The following STRIP2 variants were observed in gnomAD, a reference collection of about 807,000 sequenced individuals.
The protein encoded by STRIP2 is striatin-interacting protein 2.
A neutral mutation model predicts 107.1 loss-of-function variants in STRIP2; 84 were observed. That is an observed-to-expected ratio of 0.78 (90% confidence interval 0.66 to 0.94). STRIP2 has a LOEUF of 0.94. Ranked by LOEUF, STRIP2 falls within the 40% of genes least tolerant of loss-of-function variation. STRIP2 has a pLI of 0.00. For synonymous variants in STRIP2, 394 were observed against 400.4 expected, an observed-to-expected ratio of 0.98 and a Z score of 0.19; for missense variants, 888 against 1,034.2, an observed-to-expected ratio of 0.86 and a Z score of 1.94.
intron 18 of STRIP2, among the ~76,000 whole-genome samples, chr7:129,474,083 G>A (rs1562914821): frequency 6.6e-6 from 1 of 152,108 alleles, no homozygotes; most frequent in Non-Finnish European, 1.5e-5. Context: ...ATTCTGTGCT[G>A]TTGACATTTA....
intron 9 of STRIP2, 65 bp downstream of exon 9, chr7:129,456,707 C>G: frequency 6.9e-7 from 1 of 1,451,984 alleles, no homozygotes; most frequent in Admixed American, 1.9e-5. Flanking sequence ...TTCTAAGTTA[C>G]TCTGGGTGTG....
Position 129,483,075 on chromosome 7 carries a change from T to C in STRIP2, c.2254+29T>C. On this transcript the variant is annotated intron_variant, in intron 20 of 20. Transcript: ENST00000249344. This position sits in a 1 kb window ranked among gnomAD's most constrained non-coding sequence, Gnocchi z 5.1. ...AGTCTTCCCAAAGCTCTTGACTTCCTGGAGTTTCCTGGGGTTTAGACAAAA... is the reference window on the plus strand; with the variant it reads ...AGTCTTCCCAAAGCTCTTGACTTCCCGGAGTTTCCTGGGGTTTAGACAAAA... The C allele has an allele frequency of 6.2e-7, 1 of 1,610,098 alleles. No homozygotes were observed.
chr7:129,437,025 G>A (rs682299), intron 1 of STRIP2, among the ~76,000 whole-genome samples: 5,919 of 152,294 alleles, frequency 0.039, 361 homozygotes, highest in African/African-American at 0.14. Flanking sequence ...TCAGGTCATC[G>A]AAGTGAGTTT....
chr7:129,482,700 A>T, intron 19 of STRIP2, 142 bp from the exon 20 acceptor site: 1 of 961,780 alleles, frequency 1.0e-6, no homozygotes, highest in Non-Finnish European at 1.5e-6. Flanking sequence ...CTTGAAGATT[A>T]AATCTAAGTA....
chr7:129,470,858 C>G (rs1049574822), intron 18 of STRIP2, 143 bp downstream of exon 18: 11 of 701,776 alleles, frequency 1.6e-5, no homozygotes, highest in Middle Eastern at 2.4e-4. Context: ...AGCAGAGATG[C>G]AGCAGGGGTT....
Position 129,480,872 on chromosome 7 carries a change from A to G in STRIP2, c.2032A>G (p.Lys678Glu). 6.2e-7 allele frequency: 1 copy of G among 1,613,416 alleles called. No individual in the cohort carries two copies. Among genetic ancestry groups the G allele is most frequent in the Non-Finnish European group, 8.5e-7 (1 of 1,179,760 alleles). ...LRLLNKLTKW[K>E]HSRTMMLVVF... ...GCTGCTCAATAAACTGACCAAATGGAAACATTCCCGGACCATGGTGAGTGT... is the reference window on the plus strand; with the variant it reads ...GCTGCTCAATAAACTGACCAAATGGGAACATTCCCGGACCATGGTGAGTGT... The change falls in exon 19 of 21, where the codon AAA (lysine) becomes GAA (glutamate). Residue 678 changes from lysine (K) to glutamate (E), a missense_variant. Coordinates refer to ENST00000249344, the MANE Select transcript of STRIP2 (RefSeq NM_020704.3).
Position 129,483,230 on chromosome 7 carries a change from C to T in STRIP2, c.2254+184C>T. On this transcript the variant is annotated intron_variant, in intron 20 of 20. Coordinates refer to ENST00000249344, the MANE Select transcript of STRIP2 (RefSeq NM_020704.3). This position sits in a 1 kb window ranked among gnomAD's most constrained non-coding sequence, Gnocchi z 5.1. Reference sequence around the variant, plus strand: ...TATGCCTCAAATTCTAGTATGTACCCTTGTCCTATGTAAACTATGAAAATC... The same window carrying T: ...TATGCCTCAAATTCTAGTATGTACCTTTGTCCTATGTAAACTATGAAAATC... 7.4e-7 allele frequency: 1 copy of T among 1,345,428 alleles called. No homozygotes were observed. The highest frequency in any genetic ancestry group is 9.5e-7 in the Non-Finnish European group (1 of 1,048,346). The allele number at this position is 1,345,428 out of a possible 1,614,324, so 83.3% of individuals were successfully genotyped here.
chr7:129,482,947 T>C lies in STRIP2; in HGVS notation c.2155T>C (p.Tyr719His). ...AAAGCTACTAAAGTTACAGACCAAG[T>C]ACCTGGGGCGCCAATGGAGGAAAAG... Reference protein sequence around the residue: ...VLKLLKLQTKYLGRQWRKSNM... With the variant: ...VLKLLKLQTKHLGRQWRKSNM... The change falls in exon 20 of 21, where the codon TAC becomes CAC. Residue 719 changes from tyrosine to histidine, a missense_variant. By Grantham distance (83) the Tyr-to-His change is moderately conservative. Transcript: ENST00000249344. 1.2e-6 allele frequency: 2 copies of C among 1,614,142 alleles called. No individual in the cohort carries two copies. The highest frequency in any genetic ancestry group is 1.7e-6 in the Non-Finnish European group (2 of 1,180,030).
intron 19 of STRIP2, 119 bp downstream of exon 19, chr7:129,481,008 A>G (rs992511741): frequency 1.2e-5 from 8 of 689,284 alleles, no homozygotes; most frequent in East Asian, 2.8e-5. Flanking sequence ...TGAATGCTAC[A>G]TAAGATTTAG....
At chr7:129,457,150 A>G (rs1004258489) in intron 9 of STRIP2, among the ~76,000 whole-genome samples, 1 of 152,228 alleles carries the variant, frequency 6.6e-6, no homozygotes, top group Non-Finnish European at 1.5e-5. Flanking sequence ...GTGACACTAA[A>G]CGACAGGGAT....
In STRIP2 at chr7:129,451,127, G is replaced by A. The variant is rs953695688; in HGVS notation, c.275-486G>A. ...AATTTTTTGTATTTTTAGTAGAGAC[G>A]GGGTTTCACCGTTTTTTTAGCCGGG... On this transcript the variant is annotated intron_variant, in intron 3 of 20. Coordinates refer to ENST00000249344, the MANE Select transcript of STRIP2 (RefSeq NM_020704.3). 4.0e-5 allele frequency among the ~76,000 whole-genome samples: 6 copies of A among 151,588 alleles called. No individual in the cohort carries two copies. The East Asian group carries it at 1.2e-3, about 29-fold the overall frequency.
chr7:129,474,526 T>C (rs1318467578), intron 18 of STRIP2, among the ~76,000 whole-genome samples: 1 of 151,928 alleles, frequency 6.6e-6, no homozygotes, highest in Non-Finnish European at 1.5e-5. Context: ...TGGGCTGAAG[T>C]AGTCTTTTTT....
At position 129,458,361 on chromosome 7, in the gene STRIP2, C is replaced by T; in HGVS notation, c.1185C>T (p.Asp395=). ...GAGAGCTAGACCTGCTAGAGCAGGA[C>T]CCTCTGGTGCCACCTCCACCCTCAC... ...LDGELDLLEQ[D]PLVPPPPSQA... is the part of the protein sequence containing the mutation. The change falls in exon 10 of 21, where the codon GAC becomes GAT. Residue 395 remains aspartate (D), a synonymous_variant. Transcript: ENST00000249344. The surrounding 1 kb of genome is among the most constrained non-coding windows in gnomAD (Gnocchi z 4.6). The T allele has an allele frequency of 6.2e-7, 1 of 1,614,058 alleles. No homozygotes were observed. The highest frequency in any genetic ancestry group is 8.5e-7 in the Non-Finnish European group (1 of 1,179,982).
chr7:129,468,803 T>A (rs530031224), intron 17 of STRIP2, among the ~76,000 whole-genome samples: 1 of 152,304 alleles, frequency 6.6e-6, no homozygotes, highest in Non-Finnish European at 1.5e-5. Flanking sequence ...CAGAATGAAA[T>A]GACGTGTCAT....
At chr7:129,437,967 G>A (rs1205772944) in intron 1 of STRIP2, among the ~76,000 whole-genome samples, 3 of 151,966 alleles carry the variant, frequency 2.0e-5, no homozygotes, top group African/African-American at 4.8e-5. Flanking sequence ...CACCATGCTC[G>A]GCTAATTTTT....
At chr7:129,442,474 A>G (rs1797926618) in intron 2 of STRIP2, among the ~76,000 whole-genome samples, 1 of 152,228 alleles carries the variant, frequency 6.6e-6, no homozygotes, top group Non-Finnish European at 1.5e-5. Context: ...TGAAGCAAAT[A>G]TAACAAATGC....
intron 17 of STRIP2, 35 bp downstream of exon 17, chr7:129,467,485 A>G (rs1182827719): frequency 6.6e-7 from 1 of 1,512,850 alleles, no homozygotes; most frequent in Admixed American, 1.7e-5. Context: ...TCAAGGGGCT[A>G]TTTTGGGGTG....
Position 129,444,038 on chromosome 7 carries a change from A to G in STRIP2, c.214A>G (p.Thr72Ala), listed in dbSNP as rs768667633. 1 of 1,613,532 alleles carries G rather than the reference A, an allele frequency of 6.2e-7. No homozygotes were observed. The highest frequency in any genetic ancestry group is 1.3e-5 in the African/African-American group (1 of 74,908). The change falls in exon 3 of 21, where the codon ACT (threonine) becomes GCT (alanine). Residue 72 changes from threonine (T) to alanine (A), a missense_variant. Physicochemically the swap from Thr to Ala is moderately conservative, Grantham distance 58. Transcript: ENST00000249344. The part of the protein sequence containing the change: ...AAELSELYSY[T>A]ENLEFTNNRR... ...TCCTGCCACAGAATTGTATAGTTAC[A>G]CTGAGAACCTGGAATTCACCAATAA... is the stretch of plus-strand genomic sequence containing the variant.
intron 18 of STRIP2, among the ~76,000 whole-genome samples, chr7:129,474,613 G>A (rs1047294116): frequency 6.6e-6 from 1 of 152,064 alleles, no homozygotes; most frequent in African/African-American, 2.4e-5. Flanking sequence ...AGGTTCAAGC[G>A]ATTCTCCTGC....
Sources: gnomAD v4.1 joint callset for allele counts (sites outside exome capture counted in the v4.1 genomes callset) on GRCh38, gnomAD v4.1.1 for gene constraint, Gnocchi (gnomAD v3.1) non-coding constraint, MANE v1.5 for transcripts, NCBI Gene and HGNC (gene_info 2026-07-23, HGNC 2026-07-21) for gene names.